Variants in GSG1L2 observed in about 807,000 individuals in gnomAD.
GSG1L2 encodes the protein GSG1 like 2.
A neutral mutation model predicts 9.0 loss-of-function variants in GSG1L2; 15 were observed. The ratio of observed to expected loss-of-function variants is 1.67; its 90% CI spans 1.12 to 2.57. The LOEUF is 2.57. Ranked by LOEUF, GSG1L2 falls within the 30% of genes most tolerant of loss-of-function variation. The probability of loss-of-function intolerance (pLI) is 0.00; values close to 1 mark genes in which losing one functional copy is unlikely to be tolerated. For missense variants in GSG1L2, 286 were observed against 150.3 expected, an observed-to-expected ratio of 1.90 and a Z score of -4.72; for synonymous variants, 127 against 57.9, an observed-to-expected ratio of 2.19 and a Z score of -5.41.
intron 1 of GSG1L2, among the ~76,000 whole-genome samples, chr17:9,819,631 T>C (rs896750531): frequency 3.9e-5 from 6 of 152,116 alleles, no homozygotes; most frequent in African/African-American, 1.4e-4. Flanking sequence ...TAAAACTTTT[T>C]TTTGTTTGCT....
chr17:9,817,528 G>T (rs1286834148), intron 1 of GSG1L2, among the ~76,000 whole-genome samples: 1 of 151,200 alleles, frequency 6.6e-6, no homozygotes, highest in East Asian at 2.0e-4. Context: ...AGGTTCAAGC[G>T]ATTCTGCTGC....
rs980562586 is a variant in GSG1L2 at position 9,801,997 on chromosome 17, C to G, written c.*389G>C. Among the ~76,000 whole-genome samples, 1 of 152,200 alleles carries G rather than the reference C, an allele frequency of 6.6e-6. No homozygotes were observed. Among genetic ancestry groups the G allele is most frequent in the Non-Finnish European group, 1.5e-5 (1 of 68,042 alleles). On this transcript the variant is annotated 3_prime_UTR_variant, in exon 5 of 5. Coordinates refer to ENST00000399363, the MANE Select transcript of GSG1L2 (RefSeq NM_001310219.2). Reference sequence around the variant, plus strand: ...TTTTCTGGATTTTTCTGTCAACAAACCTATGCGGACAACACATTTTGCCTC... The same window carrying G: ...TTTTCTGGATTTTTCTGTCAACAAAGCTATGCGGACAACACATTTTGCCTC...
chr17:9,804,292 A>G (rs1228180188), intron 4 of GSG1L2: 2 of 152,234 alleles, frequency 1.3e-5, no homozygotes, highest in Non-Finnish European at 2.9e-5. Context: ...ATACGGCACA[A>G]AAAATGCAGC....
intron 4 of GSG1L2, among the ~76,000 whole-genome samples, chr17:9,805,843 C>T (rs2066514338): frequency 6.6e-6 from 1 of 152,124 alleles, no homozygotes; most frequent in African/African-American, 2.4e-5. Context: ...TGGTTGCTTG[C>T]TTTCTTTCGT....
Position 9,813,056 on chromosome 17 carries a change from T to C in GSG1L2, c.311-2438A>G, listed in dbSNP as rs553617250. Reference sequence around the variant, plus strand: ...GCCCCCACCTCCTAATACCATTACATTGGGGTTAGGGTTTCAGCATATGAA... The same window carrying C: ...GCCCCCACCTCCTAATACCATTACACTGGGGTTAGGGTTTCAGCATATGAA... On this transcript the variant is annotated intron_variant, in intron 1 of 4. Transcript: ENST00000399363. 8.5e-5 allele frequency among the ~76,000 whole-genome samples: 13 copies of C among 152,230 alleles called. No individual in the cohort carries two copies. In the Middle Eastern group the frequency reaches 0.01, roughly 120 times the overall value.
chr17:9,815,999 T>A (rs1215157386), intron 1 of GSG1L2, among the ~76,000 whole-genome samples: 1 of 152,096 alleles, frequency 6.6e-6, no homozygotes, highest in Admixed American at 6.5e-5. Flanking sequence ...CGAGCTAGAA[T>A]GTTAGCACGC....
At position 9,807,430 on chromosome 17, in the gene GSG1L2, A is replaced by G. The variant is rs967578452; in HGVS notation, c.623+60T>C. The G allele has an allele frequency of 2.0e-5, 14 of 700,398 alleles. No individual in the cohort carries two copies. In the African/African-American group the frequency reaches 2.1e-4, roughly 10 times the overall value. 43.4% of individuals were successfully genotyped at this position (700,398 alleles called of 1,614,324 possible). A position where few individuals can be genotyped will look rare whatever the true frequency, so the allele number is the denominator to read the frequency against. On this transcript the variant is annotated intron_variant, in intron 4 of 4. Transcript: ENST00000399363. ...GTTGGTCATCCTACAAAACATGTGT[A>G]TGTTTATGTGCATCTCTCCTGATCC...
At chr17:9,809,093 G>A (rs1039796752) in intron 2 of GSG1L2, 111 bp from the exon 3 acceptor site, 49 of 640,078 alleles carry the variant, frequency 7.7e-5, no homozygotes, top group Non-Finnish European at 1.3e-4. Context: ...AAACAGACAC[G>A]CTGGAGTGAA....
chr17:9,813,660 C>G (rs16958821), intron 1 of GSG1L2, among the ~76,000 whole-genome samples: 1 of 151,994 alleles, frequency 6.6e-6, no homozygotes, highest in Admixed American at 6.5e-5. Flanking sequence ...TCGGAGAACT[C>G]GGGGGCTGAT....
intron 4 of GSG1L2, among the ~76,000 whole-genome samples, chr17:9,807,104 G>A (rs2066518827): frequency 1.3e-5 from 2 of 152,166 alleles, no homozygotes; most frequent in Non-Finnish European, 2.9e-5. Context: ...TTCCCATGTC[G>A]TGACCTTGTC....
In GSG1L2 at chr17:9,803,125, A is replaced by T. The variant is rs558816365; in HGVS notation, c.624-481T>A. Among the ~76,000 whole-genome samples, 424 of 89,258 alleles carry T rather than the reference A, an allele frequency of 4.8e-3. 3 individuals carry two copies. The highest frequency in any genetic ancestry group is 0.019 in the African/African-American group (390 of 20,468). The allele number at this position is 89,258 out of a possible 152,430, so 58.6% of individuals were successfully genotyped here. On this transcript the variant is annotated intron_variant, in intron 4 of 4. Transcript: ENST00000399363. Reference sequence around the variant, plus strand: ...CTTTTTTTTTTTTTTTTTTTTTGAGACAGAGTCCCTCTCTGTCGCCCAGGC... The same window carrying T: ...CTTTTTTTTTTTTTTTTTTTTTGAGTCAGAGTCCCTCTCTGTCGCCCAGGC...
chr17:9,812,281 G>A (rs973661467), intron 1 of GSG1L2, among the ~76,000 whole-genome samples: 4 of 151,972 alleles, frequency 2.6e-5, no homozygotes, highest in African/African-American at 9.7e-5. Flanking sequence ...TTCTTTTATA[G>A]GAGAGAAAAC....
At chr17:9,809,079 T>A in intron 2 of GSG1L2, 97 bp from the exon 3 acceptor site, 2 of 650,338 alleles carry the variant, frequency 3.1e-6, no homozygotes, top group South Asian at 3.4e-5. Flanking sequence ...AAACAAAACA[T>A]GAAAAACAGA....
chr17:9,801,748 CTAAGA>C lies in GSG1L2; in HGVS notation c.*633_*637del, dbSNP rs530220127. Among the ~76,000 whole-genome samples, 16 of 152,230 alleles carry C rather than the reference CTAAGA, an allele frequency of 1.1e-4. No homozygotes were observed. The highest frequency in any genetic ancestry group is 1.6e-4 in the Non-Finnish European group (11 of 68,046). The stretch of plus-strand genomic sequence containing the variant: ...AACTCAAACATGTGTTCCACTTAAA[CTAAGA>C]TAAGATGTCATTCCATTTGACTGTG... On this transcript the variant is annotated 3_prime_UTR_variant, in exon 5 of 5. Transcript: ENST00000399363.
At chr17:9,819,626 CTT>C (rs1203441703) in intron 1 of GSG1L2, among the ~76,000 whole-genome samples, 1 of 151,802 alleles carries the variant, frequency 6.6e-6, no homozygotes, top group Admixed American at 6.6e-5. Flanking sequence ...TTGGTTAAAA[CTT>C]TTTTTTGTTT....
chr17:9,819,048 G>A (rs879726433), intron 1 of GSG1L2, among the ~76,000 whole-genome samples: 1 of 152,130 alleles, frequency 6.6e-6, no homozygotes, highest in Admixed American at 6.5e-5. Flanking sequence ...GGTCTTTGAT[G>A]TACACTGAGG....
intron 4 of GSG1L2, chr17:9,803,748 CT>C (rs1567708359): frequency 6.6e-6 from 1 of 152,226 alleles, no homozygotes; most frequent in Non-Finnish European, 1.5e-5. Context: ...CGGCGACCCC[CT>C]GATGGAGGCA....
chr17:9,811,266 G>A (rs1020119190), intron 1 of GSG1L2, among the ~76,000 whole-genome samples: 2 of 152,196 alleles, frequency 1.3e-5, no homozygotes, highest in African/African-American at 4.8e-5. Flanking sequence ...GACTCAGCAG[G>A]TGAGTCACGC....
At chr17:9,810,417 A>C in intron 2 of GSG1L2, 154 bp downstream of exon 2, 1 of 623,176 alleles carries the variant, frequency 1.6e-6, no homozygotes, top group Non-Finnish European at 2.9e-6. Flanking sequence ...GCTATAGGGC[A>C]CAGGAAGAGA....
Sources: gnomAD v4.1 joint callset for allele counts (sites outside exome capture counted in the v4.1 genomes callset) on GRCh38, gnomAD v4.1.1 for gene constraint, MANE v1.5 for transcripts, NCBI Gene and HGNC (gene_info 2026-07-23, HGNC 2026-07-21) for gene names.